Variants in RAB18 observed in about 807,000 individuals in gnomAD.
The protein encoded by RAB18 is ras-related protein Rab-18.
RAB18 carries 10 observed loss-of-function variants against 28.5 expected under a neutral mutation model. That is an observed-to-expected ratio of 0.35 (90% confidence interval 0.22 to 0.60). RAB18 has a LOEUF of 0.60. RAB18 is among the 20% of genes least tolerant of loss of function. The probability of loss-of-function intolerance (pLI) is 0.78; values close to 1 mark genes in which losing one functional copy is unlikely to be tolerated. For missense variants in RAB18, 188 were observed against 244.2 expected (o/e 0.77, Z 1.53); for synonymous variants, 93 against 86.9 (o/e 1.07, Z -0.39).
chr10:27,540,824 T>C lies in RAB18; in HGVS notation c.*2773T>C. On this transcript the variant is annotated 3_prime_UTR_variant, in exon 7 of 7. Transcript: ENST00000356940. ...CTAGCTGAGTGTTGTGGAAATAGAC[T>C]TGATTTTGATTCATCGTAGCTTGCA... 1 of 454,088 alleles carries C rather than the reference T, an allele frequency of 2.2e-6. No individual in the cohort carries two copies. Among genetic ancestry groups the C allele is most frequent in the Non-Finnish European group, 4.4e-6 (1 of 226,784 alleles). The allele number at this position is 454,088 out of a possible 1,614,324, so 28.1% of individuals were successfully genotyped here.
intron 4 of RAB18, 94 bp from the exon 5 acceptor site, chr10:27,533,641 T>C: frequency 6.8e-7 from 1 of 1,460,892 alleles, no homozygotes; most frequent in African/African-American, 1.4e-5. Context: ...CTTGTCTATA[T>C]TGCTTAGTAA....
chr10:27,507,512 T>C (rs916948107), intron 1 of RAB18, among the ~76,000 whole-genome samples: 3 of 150,804 alleles, frequency 2.0e-5, no homozygotes, highest in Admixed American at 2.0e-4. Flanking sequence ...ACCTATTATC[T>C]AAATTGCTGT....
intron 2 of RAB18, among the ~76,000 whole-genome samples, chr10:27,524,423 A>G (rs1183176859): frequency 2.6e-5 from 4 of 152,126 alleles, no homozygotes; most frequent in African/African-American, 2.4e-5. Flanking sequence ...ACATATATCT[A>G]CTGTTGAGTT....
At chr10:27,507,993 G>T (rs2138966063) in intron 1 of RAB18, among the ~76,000 whole-genome samples, 1 of 151,410 alleles carries the variant, frequency 6.6e-6, no homozygotes, top group Non-Finnish European at 1.5e-5. Flanking sequence ...TTCCAGCCTG[G>T]GTGACAGAGT....
In RAB18 at chr10:27,541,991, T is replaced by A. The variant is rs1289880312; in HGVS notation, c.*3940T>A. On this transcript the variant is annotated 3_prime_UTR_variant, in exon 7 of 7. Coordinates refer to ENST00000356940, the MANE Select transcript of RAB18 (RefSeq NM_021252.5). ...CCAGACCAGACTACTGAGATAAAGATGTTTGCCTAGGCTTTTTCAGGAGCA... is the reference window on the plus strand; with the variant it reads ...CCAGACCAGACTACTGAGATAAAGAAGTTTGCCTAGGCTTTTTCAGGAGCA... 5 of 453,936 alleles carry A rather than the reference T, an allele frequency of 1.1e-5. No individual in the cohort carries two copies. Among genetic ancestry groups the A allele is most frequent in the Admixed American group, 2.4e-5 (1 of 42,540 alleles). 28.1% of individuals were successfully genotyped at this position (453,936 alleles called of 1,614,324 possible).
At chr10:27,519,000 T>G (rs113991884) in intron 2 of RAB18, among the ~76,000 whole-genome samples, 66 of 152,182 alleles carry the variant, frequency 4.3e-4, no homozygotes, top group African/African-American at 1.3e-3. Context: ...GTGCTAACAC[T>G]TAGTTGAAAA....
In RAB18 at chr10:27,506,715, C is replaced by T. The variant is rs542201762; in HGVS notation, c.68+2278C>T. Among the ~76,000 whole-genome samples, 26 of 152,158 alleles carry T rather than the reference C, an allele frequency of 1.7e-4. 1 individual carries two copies. In the East Asian group the frequency reaches 3.5e-3, roughly 20 times the overall value. On this transcript the variant is annotated intron_variant, in intron 1 of 6. Coordinates refer to ENST00000356940, the MANE Select transcript of RAB18 (RefSeq NM_021252.5). ...TCAAGCCAAACTCCTGCCTCATACTCCTAAAGTGCTGGGATTACAGACACA... is the reference window on the plus strand; with the variant it reads ...TCAAGCCAAACTCCTGCCTCATACTTCTAAAGTGCTGGGATTACAGACACA...
chr10:27,526,940 G>A (rs754196765), intron 3 of RAB18, 51 bp downstream of exon 3: 3 of 1,555,030 alleles, frequency 1.9e-6, no homozygotes, highest in Non-Finnish European at 2.7e-6. Flanking sequence ...ACTTTTTAAG[G>A]ATGCAGAAAT....
chr10:27,530,833 A>G (rs1036262922), intron 3 of RAB18, among the ~76,000 whole-genome samples: 1 of 151,450 alleles, frequency 6.6e-6, no homozygotes, highest in Admixed American at 6.6e-5. Context: ...TTGGGTTTTG[A>G]TTACTTGAGC....
chr10:27,510,098 C>G, intron 2 of RAB18, 168 bp downstream of exon 2: 1 of 636,428 alleles, frequency 1.6e-6, no homozygotes, highest in Non-Finnish European at 2.8e-6. Flanking sequence ...TCTTTGAAGC[C>G]TTTCTAGATC....
At chr10:27,531,585 T>C in intron 3 of RAB18, 2 of 1,201,668 alleles carry the variant, frequency 1.7e-6, no homozygotes, top group Non-Finnish European at 2.4e-6. Flanking sequence ...TAGGAAATAG[T>C]CCAATCCTGA....
intron 6 of RAB18, among the ~76,000 whole-genome samples, chr10:27,536,595 A>G (rs1313734804): frequency 1.3e-5 from 2 of 152,160 alleles, no homozygotes; most frequent in Admixed American, 6.5e-5. Context: ...GATTCCAGCA[A>G]TTAGAGGTCA....
Position 27,539,981 on chromosome 10 carries a change from T to G in RAB18, c.*1930T>G. 2.2e-6 allele frequency: 1 copy of G among 453,860 alleles called. No individual in the cohort carries two copies. Among genetic ancestry groups the G allele is most frequent in the Non-Finnish European group, 4.4e-6 (1 of 226,710 alleles). 28.1% of individuals were successfully genotyped at this position (453,860 alleles called of 1,614,324 possible). On this transcript the variant is annotated 3_prime_UTR_variant, in exon 7 of 7. Transcript: ENST00000356940. ...GTGGAGGTTTTGTAAATGAAACAGT[T>G]GTAATATCTAAGGTCAGGCACCTAG... is the stretch of plus-strand genomic sequence containing the variant.
Position 27,541,844 on chromosome 10 carries a change from G to A in RAB18, c.*3793G>A, listed in dbSNP as rs1193578769. 2.8e-6 allele frequency: 1 copy of A among 354,016 alleles called. No individual in the cohort carries two copies. 21.9% of individuals were successfully genotyped at this position (354,016 alleles called of 1,614,324 possible). On this transcript the variant is annotated 3_prime_UTR_variant, in exon 7 of 7. Coordinates refer to ENST00000356940, the MANE Select transcript of RAB18 (RefSeq NM_021252.5). ...CCATACCACCCCCACCCCCACCCCT[G>A]CAAACAATTGGCATGTGGTTTGGGT...
chr10:27,532,555 A>G lies in RAB18; in HGVS notation c.235A>G (p.Arg79Gly). The G allele has an allele frequency of 6.2e-7, 1 of 1,602,650 alleles. No individual in the cohort carries two copies. The highest frequency in any genetic ancestry group is 8.5e-7 in the Non-Finnish European group (1 of 1,170,630). ...TAGAACATTAACTCCCAGCTATTAT[A>G]GAGGTGCACAGGGTGTTATATTAGG... ...RFRTLTPSYY[R>G]GAQGVILVYD... Residue 79 changes from arginine (R) to glycine (G), a missense_variant, in exon 4 of 7, where the codon AGA (arginine) becomes GGA (glycine). Physicochemically the swap from Arg to Gly is moderately radical, Grantham distance 125 (BLOSUM62 -2). Coordinates refer to ENST00000356940, the MANE Select transcript of RAB18 (RefSeq NM_021252.5).
In RAB18 at chr10:27,538,194, C is replaced by A; in HGVS notation, c.*143C>A. On this transcript the variant is annotated 3_prime_UTR_variant, in exon 7 of 7. Coordinates refer to ENST00000356940, the MANE Select transcript of RAB18 (RefSeq NM_021252.5). ...AGCAGTAAATATTTGCAAGAAATCC[C>A]ACTCATCGACCCCGGGTAAAATGTT... 1 of 1,098,274 alleles carries A rather than the reference C, an allele frequency of 9.1e-7. No homozygotes were observed. Among genetic ancestry groups the A allele is most frequent in the Non-Finnish European group, 1.3e-6 (1 of 741,766 alleles). 68.0% of individuals were successfully genotyped at this position (1,098,274 alleles called of 1,614,324 possible). A position where few individuals can be genotyped will look rare whatever the true frequency, so the allele number is the denominator to read the frequency against.
In RAB18 at chr10:27,538,925, A is replaced by C. The variant is rs575290231; in HGVS notation, c.*874A>C. 2.2e-6 allele frequency: 1 copy of C among 453,836 alleles called. No homozygotes were observed. The highest frequency in any genetic ancestry group is 6.9e-5 in the East Asian group (1 of 14,398). The allele number at this position is 453,836 out of a possible 1,614,324, so 28.1% of individuals were successfully genotyped here. ...AACTGTAGCTTGTGTAATGTTGATG[A>C]ATATCTGTATCTTACGGCTTCCATA... On this transcript the variant is annotated 3_prime_UTR_variant, in exon 7 of 7. Coordinates refer to ENST00000356940, the MANE Select transcript of RAB18 (RefSeq NM_021252.5).
At position 27,540,607 on chromosome 10, in the gene RAB18, T is replaced by C. The variant is rs1221379630; in HGVS notation, c.*2556T>C. ...AGTGGAGTAGGTGGTCTTATTTCTT[T>C]CACCTGCTCAGAGTGGACTGAAAAT... On this transcript the variant is annotated 3_prime_UTR_variant, in exon 7 of 7. Coordinates refer to ENST00000356940, the MANE Select transcript of RAB18 (RefSeq NM_021252.5). 4 of 454,006 alleles carry C rather than the reference T, an allele frequency of 8.8e-6. No homozygotes were observed. Among genetic ancestry groups the C allele is most frequent in the Admixed American group, 7.0e-5 (3 of 42,562 alleles). The allele number at this position is 454,006 out of a possible 1,614,324, so 28.1% of individuals were successfully genotyped here.
At chr10:27,525,741 A>G (rs1408770605) in intron 2 of RAB18, among the ~76,000 whole-genome samples, 1 of 152,242 alleles carries the variant, frequency 6.6e-6, no homozygotes, top group African/African-American at 2.4e-5. Context: ...AAGACCTGGC[A>G]TAATGCACAT....
Sources: allele counts gnomAD v4.1 joint callset (sites outside exome capture counted in the v4.1 genomes callset), GRCh38; gene constraint gnomAD v4.1.1; transcripts MANE v1.5; gene names NCBI Gene and HGNC (gene_info 2026-07-23, HGNC 2026-07-21).